WDR64: variants seen among roughly 807,000 people sequenced by gnomAD.
The protein encoded by WDR64 is WD repeat-containing protein 64.
In WDR64, 112 loss-of-function variants were observed where a neutral mutation model predicts 139.3. That is an observed-to-expected ratio of 0.80 (90% confidence interval 0.69 to 0.94). The LOEUF (loss-of-function observed/expected upper bound fraction) is 0.94. Ranked by LOEUF, WDR64 falls within the 40% of genes least tolerant of loss-of-function variation. The pLI is 0.00. For synonymous variants in WDR64, 444 were observed against 437.7 expected, an observed-to-expected ratio of 1.01 and a Z score of -0.18; for missense variants, 1,206 against 1,293.1, an observed-to-expected ratio of 0.93 and a Z score of 1.03.
At chr1:241,720,266 G>A (rs149225620) in intron 9 of WDR64, among the ~76,000 whole-genome samples, 89 of 152,118 alleles carry the variant, frequency 5.9e-4, no homozygotes, top group African/African-American at 2.0e-3. Context: ...ATTAAGATAC[G>A]CAGCCATGTA....
Position 241,766,336 on chromosome 1 carries a change from CTACTGT to C in WDR64, c.2067_2072del (p.Thr690_Val691del). On this transcript the variant is annotated inframe_deletion, in exon 16 of 28. Coordinates refer to ENST00000437684, the MANE Select transcript of WDR64 (RefSeq NM_001367482.1). Reference sequence around the variant, plus strand: ...ATCATCTTATGGAATTTTGTGACGTCTACTGTCAAAAAAGTGTAAGTTGTGTATTAT... The same window carrying C: ...ATCATCTTATGGAATTTTGTGACGTCCAAAAAAGTGTAAGTTGTGTATTAT... 6.2e-7 allele frequency: 1 copy of C among 1,613,786 alleles called. No homozygotes were observed.
chr1:241,767,617 G>A (rs541602245), intron 16 of WDR64, among the ~76,000 whole-genome samples: 11 of 152,266 alleles, frequency 7.2e-5, no homozygotes, highest in Non-Finnish European at 1.3e-4. Flanking sequence ...GGAAAGGACA[G>A]GAGAAAAGGA....
intron 4 of WDR64, chr1:241,677,461 T>C: frequency 2.5e-6 from 1 of 398,616 alleles, no homozygotes; most frequent in Non-Finnish European, 4.4e-6. Context: ...ATAATCCGTT[T>C]CTTCTGGGCC....
At chr1:241,670,249 A>G (rs1287286981) in intron 2 of WDR64, among the ~76,000 whole-genome samples, 1 of 151,904 alleles carries the variant, frequency 6.6e-6, no homozygotes, top group South Asian at 2.1e-4. Context: ...TTTCATGGTA[A>G]TTTATTCTCA....
rs144470592 is a variant in WDR64, at chr1:241,790,172, G to A, written c.2892-419G>A. Among the ~76,000 whole-genome samples the A allele has an allele frequency of 1.1e-3, 167 of 152,186 alleles. 5 individuals carry two copies. The East Asian group carries it at 0.028, about 25-fold the overall frequency. On this transcript the variant is annotated intron_variant, in intron 24 of 27. Coordinates refer to ENST00000437684, the MANE Select transcript of WDR64 (RefSeq NM_001367482.1). The stretch of plus-strand genomic sequence containing the variant: ...TCGAGACCAGCCTGGCCAACATGGC[G>A]AAACCCCATCTTTACTAAAAATATA...
intron 9 of WDR64, among the ~76,000 whole-genome samples, chr1:241,717,894 T>C (rs1339907478): frequency 1.3e-5 from 2 of 152,164 alleles, no homozygotes; most frequent in Non-Finnish European, 2.9e-5. Flanking sequence ...TAATAGTAAT[T>C]GTTAGTTTAC....
At position 241,743,507 on chromosome 1, in the gene WDR64, C is replaced by G. The variant is rs866449001; in HGVS notation, c.1471-886C>G. 5.9e-5 allele frequency among the ~76,000 whole-genome samples: 9 copies of G among 152,306 alleles called. No individual in the cohort carries two copies. The South Asian group carries it at 1.9e-3, about 32-fold the overall frequency. On this transcript the variant is annotated intron_variant, in intron 12 of 27. Transcript: ENST00000437684. ...GCTCCATCCCCTCCGCACTCCCCCT[C>G]TTACCCAGCTAAAGTGGCTTGCTTT...
intron 7 of WDR64, among the ~76,000 whole-genome samples, chr1:241,685,315 A>G (rs1285779869): frequency 6.6e-6 from 1 of 151,794 alleles, no homozygotes. Flanking sequence ...ATGGCATGAA[A>G]AGTGTTTATG....
Position 241,795,289 on chromosome 1 carries a change from T to G in WDR64, c.3078+2T>G, listed in dbSNP as rs1295952438. 11 of 1,611,344 alleles carry G rather than the reference T, an allele frequency of 6.8e-6. No individual in the cohort carries two copies. The highest frequency in any genetic ancestry group is 7.6e-6 in the Non-Finnish European group (9 of 1,178,454). On this transcript the variant is annotated splice_donor_variant, in intron 26 of 27. Coordinates refer to ENST00000437684, the MANE Select transcript of WDR64 (RefSeq NM_001367482.1). LOFTEE classifies it high-confidence loss of function. Reference sequence around the variant, plus strand: ...TTCGGCTCTCTGCCTATATACAGTGTGAGTTGGAGTTTCTAGGAGTAGAGG... The same window carrying G: ...TTCGGCTCTCTGCCTATATACAGTGGGAGTTGGAGTTTCTAGGAGTAGAGG...
intron 22 of WDR64, 137 bp downstream of exon 22, chr1:241,780,199 A>G: frequency 1.4e-6 from 1 of 738,268 alleles, no homozygotes; most frequent in Non-Finnish European, 2.1e-6. Flanking sequence ...AATTTGAGCT[A>G]CATGACAAAT....
chr1:241,775,889 CCCTTTCACTTTCT>C (rs998617831), intron 21 of WDR64, among the ~76,000 whole-genome samples: 16 of 151,748 alleles, frequency 1.1e-4, no homozygotes, highest in Non-Finnish European at 4.4e-5. Context: ...AAGCTTAGCC[CCCTTTCACTTTCT>C]CTTTTCTCCA....
At chr1:241,755,515 T>C (rs1236166153) in intron 14 of WDR64, among the ~76,000 whole-genome samples, 2 of 152,248 alleles carry the variant, frequency 1.3e-5, no homozygotes, top group Non-Finnish European at 2.9e-5. Flanking sequence ...AGATTGCCTG[T>C]TCACTCTGAT....
chr1:241,709,672 C>G (rs999622662), intron 8 of WDR64, among the ~76,000 whole-genome samples: 1 of 152,050 alleles, frequency 6.6e-6, no homozygotes, highest in Non-Finnish European at 1.5e-5. Flanking sequence ...AAGAGATACA[C>G]TGTAAAAAGT....
intron 25 of WDR64, among the ~76,000 whole-genome samples, chr1:241,793,304 G>T (rs1291822326): frequency 6.6e-6 from 1 of 152,230 alleles, no homozygotes; most frequent in Non-Finnish European, 1.5e-5. Context: ...GGAGTGAGGT[G>T]AGGGAGAGCT....
chr1:241,655,212 G>A (rs1204721853), intron 1 of WDR64, among the ~76,000 whole-genome samples: 1 of 152,050 alleles, frequency 6.6e-6, no homozygotes, highest in Non-Finnish European at 1.5e-5. Flanking sequence ...ATGAAACCCT[G>A]TCTCTACTAA....
At chr1:241,713,536 AG>A (rs1406908650) in intron 9 of WDR64, among the ~76,000 whole-genome samples, 8 of 70,794 alleles carry the variant, frequency 1.1e-4, no homozygotes, top group African/African-American at 3.6e-4. Context: ...AAAGCAAGGA[AG>A]GGAGGGAGGG....
At chr1:241,720,199 A>G (rs1380815447) in intron 9 of WDR64, among the ~76,000 whole-genome samples, 1 of 152,030 alleles carries the variant, frequency 6.6e-6, no homozygotes, top group Non-Finnish European at 1.5e-5. Flanking sequence ...TATCCCATCT[A>G]TCATCGATGG....
intron 12 of WDR64, among the ~76,000 whole-genome samples, chr1:241,742,409 T>C (rs995561594): frequency 2.6e-5 from 4 of 152,136 alleles, no homozygotes; most frequent in Non-Finnish European, 4.4e-5. Context: ...ATACAGGTCA[T>C]AAAGACCTTG....
chr1:241,794,791 G>C (rs562090969), intron 25 of WDR64, among the ~76,000 whole-genome samples: 2 of 152,256 alleles, frequency 1.3e-5, no homozygotes, highest in Admixed American at 6.5e-5. Flanking sequence ...ACAGGCATGA[G>C]CCACCGTGCC....
Sources: allele counts gnomAD v4.1 joint callset (sites outside exome capture counted in the v4.1 genomes callset), GRCh38; gene constraint gnomAD v4.1.1; transcripts MANE v1.5; gene names NCBI Gene and HGNC (gene_info 2026-07-23, HGNC 2026-07-21).